VRK1: variants seen among roughly 807,000 people sequenced by gnomAD.
VRK1 encodes the protein serine/threonine-protein kinase VRK1.
A neutral mutation model predicts 57.1 loss-of-function variants in VRK1; 33 were observed. The ratio of observed to expected loss-of-function variants is 0.58; its 90% CI spans 0.44 to 0.77. The LOEUF (loss-of-function observed/expected upper bound fraction) is 0.77. Among genes scored for constraint, VRK1 ranks in the 30% least tolerant of loss-of-function variants. The probability of loss-of-function intolerance (pLI) is 0.00; values close to 1 mark genes in which losing one functional copy is unlikely to be tolerated. For synonymous variants in VRK1, 137 were observed against 147.8 expected (o/e 0.93, Z 0.53); for missense variants, 413 against 477.3 (o/e 0.87, Z 1.25).
rs527776242 is a variant in VRK1, at chr14:96,851,646, T to A, written c.375-1185T>A. Among the ~76,000 whole-genome samples the A allele has an allele frequency of 2.0e-5, 3 of 152,328 alleles. No homozygotes were observed. In the East Asian group the frequency reaches 5.8e-4, roughly 29 times the overall value. ...CCCTATTGAACTTGTCATATTGTTA[T>A]CATAGAAGCCTATAACATATAAATG... is the stretch of plus-strand genomic sequence containing the variant. On this transcript the variant is annotated intron_variant, in intron 5 of 12. Transcript: ENST00000216639.
intron 1 of VRK1, among the ~76,000 whole-genome samples, chr14:96,823,880 A>G (rs1022948968): frequency 6.6e-6 from 1 of 152,232 alleles, no homozygotes; most frequent in African/African-American, 2.4e-5. Context: ...TCAAGGCTGA[A>G]TAATATTCCA....
chr14:96,867,685 A>G (rs1296230611), intron 11 of VRK1, among the ~76,000 whole-genome samples: 1 of 152,072 alleles, frequency 6.6e-6, no homozygotes, highest in Non-Finnish European at 1.5e-5. Context: ...TCTGGAAGCT[A>G]GCTTCTTTTC....
chr14:96,879,068 C>T (rs1249921825), intron 12 of VRK1, among the ~76,000 whole-genome samples: 2 of 152,014 alleles, frequency 1.3e-5, no homozygotes, highest in Non-Finnish European at 2.9e-5. Flanking sequence ...GGGAACCCTA[C>T]AAAGAAATTT....
chr14:96,805,737 T>C (rs1320787716), intron 1 of VRK1, among the ~76,000 whole-genome samples: 1 of 152,214 alleles, frequency 6.6e-6, no homozygotes, highest in Non-Finnish European at 1.5e-5. Context: ...CAGTGATGAC[T>C]TGTTGAGGCA....
chr14:96,880,277 T>A (rs1053052733), intron 12 of VRK1, among the ~76,000 whole-genome samples: 10 of 152,200 alleles, frequency 6.6e-5, no homozygotes, highest in African/African-American at 2.4e-4. Flanking sequence ...ATTCAAAGAA[T>A]GTTTCGTACT....
At chr14:96,811,416 G>A (rs1238216375) in intron 1 of VRK1, among the ~76,000 whole-genome samples, 4 of 152,192 alleles carry the variant, frequency 2.6e-5, no homozygotes, top group African/African-American at 4.8e-5. Context: ...CTTCAGTTTC[G>A]TACTTGAACT....
At chr14:96,866,552 T>C (rs1404210509) in intron 11 of VRK1, among the ~76,000 whole-genome samples, 1 of 152,192 alleles carries the variant, frequency 6.6e-6, no homozygotes, top group Non-Finnish European at 1.5e-5. Flanking sequence ...ATTTTGATTA[T>C]TCTGCCGTCT....
At chr14:96,838,542 T>G (rs1887313836) in intron 3 of VRK1, among the ~76,000 whole-genome samples, 1 of 134,612 alleles carries the variant, frequency 7.4e-6, no homozygotes, top group South Asian at 2.6e-4. Flanking sequence ...TCTGGGCAAA[T>G]TAACATATAA....
chr14:96,862,591 T>G (rs1888433251), intron 11 of VRK1, among the ~76,000 whole-genome samples: 5 of 151,832 alleles, frequency 3.3e-5, no homozygotes, highest in Middle Eastern at 3.2e-3. Context: ...CAGAACATTT[T>G]CTTCATATAA....
At chr14:96,833,684 A>G in intron 2 of VRK1, 53 bp downstream of exon 2, 1 of 1,611,210 alleles carries the variant, frequency 6.2e-7, no homozygotes, top group Non-Finnish European at 8.5e-7. Context: ...ATGTTTTCTT[A>G]TGAAAATGGT....
intron 11 of VRK1, 178 bp downstream of exon 11, chr14:96,860,913 A>G: frequency 5.6e-6 from 3 of 532,828 alleles, no homozygotes; most frequent in Non-Finnish European, 9.5e-6. Flanking sequence ...AAATATTTAT[A>G]TATTTCTTAT....
rs113743755 is a variant in VRK1 at position 96,822,466 on chromosome 14, G to A, written c.-5-11001G>A. ...TGATATTTACATTAAAGGGAAAATAGGGTCTAGTCCTATTCTCTACTTTTT... is the reference window on the plus strand; with the variant it reads ...TGATATTTACATTAAAGGGAAAATAAGGTCTAGTCCTATTCTCTACTTTTT... On this transcript the variant is annotated intron_variant, in intron 1 of 12. Transcript: ENST00000216639. 4.2e-3 allele frequency among the ~76,000 whole-genome samples: 644 copies of A among 152,246 alleles called. 3 individuals are homozygous for A. The highest frequency in any genetic ancestry group is 0.014 in the African/African-American group (596 of 41,544).
intron 7 of VRK1, among the ~76,000 whole-genome samples, chr14:96,853,679 G>T (rs1211998381): frequency 6.6e-6 from 1 of 151,548 alleles, no homozygotes; most frequent in Middle Eastern, 3.2e-3. Context: ...CATTCCCTTT[G>T]TAATTTTTAC....
rs185076421 is a variant in VRK1, at chr14:96,874,197, G to C, written c.1069-1833G>C. Among the ~76,000 whole-genome samples the C allele has an allele frequency of 2.3e-4, 35 of 152,138 alleles. No homozygotes were observed. The East Asian group carries it at 4.4e-3, about 19-fold the overall frequency. ...TACTGAAATATTCCTCCTTAATTTT[G>C]GTCTGAACAAACAAAAGTGTCTGTG... On this transcript the variant is annotated intron_variant, in intron 11 of 12. Coordinates refer to ENST00000216639, the MANE Select transcript of VRK1 (RefSeq NM_003384.3).
intron 1 of VRK1, among the ~76,000 whole-genome samples, chr14:96,811,931 C>G (rs950750476): frequency 1.4e-4 from 22 of 152,228 alleles, no homozygotes; most frequent in African/African-American, 4.3e-4. Context: ...ACTAAAACCC[C>G]CTACTCATTA....
chr14:96,841,797 T>G (rs897618795), intron 3 of VRK1, among the ~76,000 whole-genome samples: 1 of 151,432 alleles, frequency 6.6e-6, no homozygotes, highest in African/African-American at 2.4e-5. Context: ...ATGGCACCAT[T>G]GCACTGCAGC....
intron 1 of VRK1, among the ~76,000 whole-genome samples, chr14:96,813,635 CAG>C (rs548742585): frequency 6.6e-6 from 1 of 152,130 alleles, no homozygotes; most frequent in Non-Finnish European, 1.5e-5. Context: ...TTTCACTTGA[CAG>C]AGTTAGGCCA....
intron 1 of VRK1, among the ~76,000 whole-genome samples, chr14:96,807,336 A>G (rs944575196): frequency 2.0e-5 from 3 of 152,242 alleles, no homozygotes; most frequent in Admixed American, 6.5e-5. Context: ...ATCCTTTCAA[A>G]TATGTGAAAA....
At chr14:96,855,421 T>G in intron 8 of VRK1, 65 bp downstream of exon 8, 1 of 1,611,006 alleles carries the variant, frequency 6.2e-7, no homozygotes, top group South Asian at 1.1e-5. Context: ...CCTACATAGT[T>G]CTTAATTATG....
Sources: allele counts gnomAD v4.1 joint callset (sites outside exome capture counted in the v4.1 genomes callset), GRCh38; gene constraint gnomAD v4.1.1; transcripts MANE v1.5; gene names NCBI Gene and HGNC (gene_info 2026-07-23, HGNC 2026-07-21).